UGP2: variants seen among roughly 807,000 people sequenced by gnomAD.
UGP2 encodes UTP--glucose-1-phosphate uridylyltransferase.
Under a neutral mutation model 49.0 loss-of-function variants are expected in UGP2, and 40 were observed. That is an observed-to-expected ratio of 0.82 (90% CI 0.63 to 1.06). UGP2 has a LOEUF of 1.06. Among genes scored for constraint, UGP2 ranks in the 50% least tolerant of loss-of-function variants. UGP2 has a pLI of 0.00. For synonymous variants in UGP2, 225 were observed against 213.0 expected, an observed-to-expected ratio of 1.06 and a Z score of -0.49; for missense variants, 460 against 603.5, an observed-to-expected ratio of 0.76 and a Z score of 2.49.
intron 3 of UGP2, among the ~76,000 whole-genome samples, chr2:63,863,127 A>G (rs1669961457): frequency 6.6e-6 from 1 of 152,216 alleles, no homozygotes; most frequent in African/African-American, 2.4e-5. Flanking sequence ...TGATGAATAT[A>G]CATAACTGTT....
Position 63,856,175 on chromosome 2 carries a change from G to A in UGP2, c.20-131G>A. On this transcript the variant is annotated intron_variant, in intron 1 of 9. Transcript: ENST00000337130. ...AACTAGTTGACACCACTGAATTACTGCCACAGGATAAAGGGACCTTGGGAT... is the reference window on the plus strand; with the variant it reads ...AACTAGTTGACACCACTGAATTACTACCACAGGATAAAGGGACCTTGGGAT... The A allele has an allele frequency of 3.5e-6, 4 of 1,134,030 alleles. 1 individual carries two copies. The allele number at this position is 1,134,030 out of a possible 1,614,324, so 70.2% of individuals were successfully genotyped here.
chr2:63,849,989 A>G (rs970769029), intron 1 of UGP2, among the ~76,000 whole-genome samples: 2 of 152,202 alleles, frequency 1.3e-5, no homozygotes, highest in Admixed American at 6.5e-5. Flanking sequence ...CTTCTTCTCA[A>G]CAAAGGAGTG....
chr2:63,856,255 T>A, intron 1 of UGP2, 51 bp from the exon 2 acceptor site: 1 of 1,587,634 alleles, frequency 6.3e-7, no homozygotes, highest in Non-Finnish European at 8.6e-7. Flanking sequence ...ACCAGCTGTT[T>A]GAATGGCTTC....
At chr2:63,873,541 C>T (rs1304113564) in intron 3 of UGP2, among the ~76,000 whole-genome samples, 1 of 151,940 alleles carries the variant, frequency 6.6e-6, no homozygotes, top group East Asian at 1.9e-4. Context: ...TTCGCAAGTA[C>T]CCGTTGGCTC....
chr2:63,884,139 A>G (rs747922210), intron 5 of UGP2, 46 bp downstream of exon 5: 16 of 1,603,064 alleles, frequency 1.0e-5, no homozygotes, highest in Non-Finnish European at 1.1e-5. Flanking sequence ...CTCCTGGGAA[A>G]GGACTTCTTT....
chr2:63,849,683 G>A (rs904679565), intron 1 of UGP2, among the ~76,000 whole-genome samples: 2 of 152,184 alleles, frequency 1.3e-5, no homozygotes, highest in Admixed American at 1.3e-4. Context: ...AACACCTGGA[G>A]GTGGTAAACC....
chr2:63,861,377 G>A (rs1032862554), intron 3 of UGP2, among the ~76,000 whole-genome samples: 2 of 152,000 alleles, frequency 1.3e-5, no homozygotes, highest in African/African-American at 2.4e-5. Context: ...TGGAGCTGAC[G>A]AGTTCTCTTG....
At chr2:63,890,810 A>G (rs10166971) in intron 9 of UGP2, among the ~76,000 whole-genome samples, 32,011 of 152,046 alleles carry the variant, frequency 0.21, 4,018 homozygotes, top group Non-Finnish European at 0.26. Context: ...TATGAAGGTT[A>G]GATAATGCTG....
chr2:63,878,977 T>C (rs1208911709), intron 3 of UGP2, among the ~76,000 whole-genome samples: 1 of 151,734 alleles, frequency 6.6e-6, no homozygotes, highest in Non-Finnish European at 1.5e-5. Flanking sequence ...AGGTTGACAT[T>C]TGGTTTTTAA....
At chr2:63,863,414 A>G (rs1232544401) in intron 3 of UGP2, among the ~76,000 whole-genome samples, 1 of 151,998 alleles carries the variant, frequency 6.6e-6, no homozygotes, top group East Asian at 1.9e-4. Context: ...TCCAGGTTTA[A>G]AGTGCACAGT....
intron 1 of UGP2, chr2:63,855,733 G>A (rs1336786796): frequency 2.4e-6 from 1 of 410,156 alleles, no homozygotes; most frequent in Non-Finnish European, 4.9e-6. Flanking sequence ...GTAGAGATGA[G>A]GTTTTGCCGT....
Position 63,842,095 on chromosome 2 carries a change from T to C in UGP2, c.-91T>C. 1 of 1,470,470 alleles carries C rather than the reference T, an allele frequency of 6.8e-7. No homozygotes were observed. Among genetic ancestry groups the C allele is most frequent in the South Asian group, 1.3e-5 (1 of 75,060 alleles). 91.1% of individuals were successfully genotyped at this position (1,470,470 alleles called of 1,614,324 possible). On this transcript the variant is annotated 5_prime_UTR_variant, in exon 1 of 10. Transcript: ENST00000337130. The stretch of plus-strand genomic sequence containing the variant: ...AGGAGGAGAAAGAATACATCGGTTG[T>C]TAAAGCAGGAGAGGAAGAGAGACCT...
chr2:63,882,174 A>T (rs774360584), intron 3 of UGP2, among the ~76,000 whole-genome samples: 9 of 152,192 alleles, frequency 5.9e-5, no homozygotes, highest in Admixed American at 4.6e-4. Flanking sequence ...ACTCCAAGAG[A>T]TCTGGATGTT....
rs769035200 is a variant in UGP2 at position 63,885,748 on chromosome 2, G to A, written c.735G>A (p.Glu245=). 12 of 1,613,788 alleles carry A rather than the reference G, an allele frequency of 7.4e-6. No individual in the cohort carries two copies. The African/African-American group carries it at 1.1e-4, about 14-fold the overall frequency. The change falls in exon 6 of 10, where the codon GAG becomes GAA. Residue 245 remains glutamate (E), a synonymous_variant. Coordinates refer to ENST00000337130, the MANE Select transcript of UGP2 (RefSeq NM_006759.4). Reference sequence around the variant, plus strand: ...ATACCTTTATAGGAGAAGGCAAAGAGTATATTTTTGTGTCTAACATAGATA... The same window carrying A: ...ATACCTTTATAGGAGAAGGCAAAGAATATATTTTTGTGTCTAACATAGATA... ...LLDTFIGEGK[E]YIFVSNIDNL...
intron 2 of UGP2, 178 bp from the exon 3 acceptor site, chr2:63,857,651 C>CA (rs1669537319): frequency 1.5e-6 from 1 of 674,906 alleles, no homozygotes; most frequent in Non-Finnish European, 2.6e-6. Flanking sequence ...AGGCATGCAC[C>CA]AACTACGCCC....
intron 1 of UGP2, among the ~76,000 whole-genome samples, chr2:63,843,954 G>A (rs1358506066): frequency 6.6e-6 from 1 of 152,102 alleles, no homozygotes; most frequent in African/African-American, 2.4e-5. Context: ...GGTATTCACA[G>A]GAACAATCAT....
chr2:63,847,772 T>C (rs920334856), intron 1 of UGP2, among the ~76,000 whole-genome samples: 2 of 152,160 alleles, frequency 1.3e-5, no homozygotes, highest in African/African-American at 4.8e-5. Context: ...TACACTTCTT[T>C]TGTGGTGGAA....
At chr2:63,886,915 A>G (rs1389459551) in intron 7 of UGP2, among the ~76,000 whole-genome samples, 1 of 152,226 alleles carries the variant, frequency 6.6e-6, no homozygotes, top group African/African-American at 2.4e-5. Flanking sequence ...TTTAAGACTG[A>G]AAAAAGATTA....
Position 63,886,292 on chromosome 2 carries a change from AT to A in UGP2, c.874-48del, listed in dbSNP as rs758162481. 5.1e-6 allele frequency: 8 copies of A among 1,561,228 alleles called. No homozygotes were observed. In the East Asian group the frequency reaches 1.6e-4, roughly 31 times the overall value. On this transcript the variant is annotated intron_variant, in intron 6 of 9. Coordinates refer to ENST00000337130, the MANE Select transcript of UGP2 (RefSeq NM_006759.4). ...TCACTATCTTTGTATTTACAAAAAAATGCACTTGAGACTGATGTGGAGGCAC... is the reference window on the plus strand; with the variant it reads ...TCACTATCTTTGTATTTACAAAAAAAGCACTTGAGACTGATGTGGAGGCAC...
Sources: allele counts gnomAD v4.1 joint callset (sites outside exome capture counted in the v4.1 genomes callset), GRCh38; gene constraint gnomAD v4.1.1; transcripts MANE v1.5; gene names NCBI Gene and HGNC (gene_info 2026-07-23, HGNC 2026-07-21).